Variants in CCDC138 observed in about 807,000 individuals in gnomAD.
The protein encoded by CCDC138 is coiled-coil domain-containing protein 138.
In CCDC138, 66 loss-of-function variants were observed where a neutral mutation model predicts 82.3. That is an observed-to-expected ratio of 0.80 (90% CI 0.66 to 0.98). The LOEUF is 0.98. Ranked by LOEUF, CCDC138 falls within the 50% of genes least tolerant of loss-of-function variation. CCDC138 has a pLI of 0.00. For missense variants in CCDC138, 816 were observed against 758.9 expected (o/e 1.08, Z -0.88); for synonymous variants, 297 against 265.4 (o/e 1.12, Z -1.16).
At chr2:108,821,806 G>A (rs565456183) in intron 10 of CCDC138, among the ~76,000 whole-genome samples, 42 of 151,724 alleles carry the variant, frequency 2.8e-4, no homozygotes, top group Non-Finnish European at 2.4e-4. Flanking sequence ...TTAGCCGGGC[G>A]TAGTGGTGGG....
chr2:108,883,325 A>T (rs998944965), intron 2 of CCDC138: 2 of 152,234 alleles, frequency 1.3e-5, no homozygotes, highest in Non-Finnish European at 2.9e-5. Flanking sequence ...TAAGATGAAG[A>T]TGGGACCAGT....
At chr2:108,868,598 G>A (rs1305134876) in intron 13 of CCDC138, among the ~76,000 whole-genome samples, 1 of 152,084 alleles carries the variant, frequency 6.6e-6, no homozygotes, top group African/African-American at 2.4e-5. Context: ...GTAGCTACAT[G>A]CTTGACACAC....
intron 9 of CCDC138, among the ~76,000 whole-genome samples, chr2:108,814,620 CTCTG>C (rs1293852516): frequency 6.6e-6 from 1 of 150,394 alleles, no homozygotes; most frequent in African/African-American, 2.4e-5. Context: ...TTTTATATTT[CTCTG>C]TCTTTGAATT....
intron 12 of CCDC138, among the ~76,000 whole-genome samples, chr2:108,855,015 G>A (rs1692348343): frequency 6.6e-6 from 1 of 152,100 alleles, no homozygotes; most frequent in African/African-American, 2.4e-5. Context: ...GAATAAAAAG[G>A]TTACATTTGA....
chr2:108,877,336 G>A (rs1200338825), downstream of CCDC138, among the ~76,000 whole-genome samples: 2 of 151,902 alleles, frequency 1.3e-5, no homozygotes, highest in Non-Finnish European at 2.9e-5. Flanking sequence ...GGCGGTGATG[G>A]GCACCTGTGA....
At chr2:108,840,426 T>C (rs1393506006) in intron 11 of CCDC138, among the ~76,000 whole-genome samples, 2 of 152,190 alleles carry the variant, frequency 1.3e-5, no homozygotes, top group African/African-American at 4.8e-5. Context: ...TTTAAACATT[T>C]GGTAGAATTC....
At chr2:108,833,969 A>G (rs550820070) in intron 10 of CCDC138, among the ~76,000 whole-genome samples, 1 of 127,490 alleles carries the variant, frequency 7.8e-6, no homozygotes, top group East Asian at 2.3e-4. Context: ...GATGGTCTCT[A>G]TCTCCTGATC....
chr2:108,800,137 T>A (rs1681653188), intron 6 of CCDC138, among the ~76,000 whole-genome samples: 1 of 152,194 alleles, frequency 6.6e-6, no homozygotes, highest in Non-Finnish European at 1.5e-5. Flanking sequence ...TCTTTGTATG[T>A]TCAGTGATTT....
intron 7 of CCDC138, among the ~76,000 whole-genome samples, chr2:108,807,722 A>T (rs1164514946): frequency 6.6e-6 from 1 of 152,044 alleles, no homozygotes; most frequent in Non-Finnish European, 1.5e-5. Context: ...GACTCAAGCG[A>T]TTCTCCTGCC....
chr2:108,856,215 A>G (rs10865023), intron 12 of CCDC138, among the ~76,000 whole-genome samples: 139,119 of 152,210 alleles, frequency 0.91, 63,656 homozygotes, highest in East Asian at 1. Context: ...TTGTCACAGC[A>G]CTGGCCTGGG....
In CCDC138 at chr2:108,815,981, T is replaced by A. The variant is rs1468275608; in HGVS notation, c.1082T>A (p.Phe361Tyr). Residue 361 changes from phenylalanine to tyrosine, a missense_variant, in exon 10 of 15, where the codon TTC becomes TAC. By Grantham distance (22) the Phe-to-Tyr change is conservative. Transcript: ENST00000295124. ...NGQVYELLTV[F>Y]MDWISDHHLS... ...CAAGTTTATGAACTTTTAACTGTCT[T>A]CATGGACTGGATTTCGGATCATCAT... The A allele has an allele frequency of 1.9e-6, 3 of 1,613,408 alleles. No individual in the cohort carries two copies. The African/African-American group carries it at 4.0e-5, about 22-fold the overall frequency.
chr2:108,830,058 G>GT (rs1687299792), intron 10 of CCDC138, among the ~76,000 whole-genome samples: 1 of 152,088 alleles, frequency 6.6e-6, no homozygotes, highest in African/African-American at 2.4e-5. Context: ...ACAAGATGTG[G>GT]TATATACATA....
At chr2:108,817,585 C>G (rs1377047809) in intron 10 of CCDC138, among the ~76,000 whole-genome samples, 1 of 152,194 alleles carries the variant, frequency 6.6e-6, no homozygotes, top group Non-Finnish European at 1.5e-5. Context: ...GCCACCGTGC[C>G]CAGCCATCAG....
chr2:108,837,344 T>TA (rs2150384409), intron 10 of CCDC138, among the ~76,000 whole-genome samples: 1 of 152,336 alleles, frequency 6.6e-6, no homozygotes, highest in East Asian at 1.9e-4. Flanking sequence ...CACCAGTTTT[T>TA]AAAAATGTTG....
At chr2:108,810,244 G>C (rs2149788241) in intron 7 of CCDC138, among the ~76,000 whole-genome samples, 1 of 152,292 alleles carries the variant, frequency 6.6e-6, no homozygotes, top group Non-Finnish European at 1.5e-5. Context: ...AAAATTTTCA[G>C]CTTTTCCCTG....
At chr2:108,829,937 T>A (rs1355272339) in intron 10 of CCDC138, among the ~76,000 whole-genome samples, 2 of 152,140 alleles carry the variant, frequency 1.3e-5, no homozygotes, top group African/African-American at 4.8e-5. Context: ...TTCAAAATAA[T>A]TGAAAGCAGA....
rs753956906 is a variant in CCDC138 at position 108,788,835 on chromosome 2, T to C, written c.152-17T>C. 7.6e-5 allele frequency: 123 copies of C among 1,613,832 alleles called. 1 individual carries two copies. The highest frequency in any genetic ancestry group is 2.2e-4 in the Admixed American group (13 of 59,990). ...TATTGTTGTGGTAATCTTTCATGGT[T>C]TCTTTGTCGTTGACAGGTGATTTGG... On this transcript the variant is annotated splice_polypyrimidine_tract_variant and intron_variant, in intron 2 of 14. Coordinates refer to ENST00000295124, the MANE Select transcript of CCDC138 (RefSeq NM_144978.3).
At chr2:108,831,657 C>A (rs1252107565) in intron 10 of CCDC138, among the ~76,000 whole-genome samples, 1 of 150,840 alleles carries the variant, frequency 6.6e-6, no homozygotes, top group African/African-American at 2.5e-5. Context: ...TTCCTAGGTT[C>A]TATCCCTGGA....
chr2:108,874,155 A>T (rs888449964), intron 14 of CCDC138, among the ~76,000 whole-genome samples: 18 of 152,206 alleles, frequency 1.2e-4, no homozygotes, highest in African/African-American at 4.3e-4. Context: ...GTAATACCAC[A>T]GGTGAAAATA....
Sources: gnomAD v4.1 joint callset for allele counts (sites outside exome capture counted in the v4.1 genomes callset) on GRCh38, gnomAD v4.1.1 for gene constraint, MANE v1.5 for transcripts, NCBI Gene and HGNC (gene_info 2026-07-23, HGNC 2026-07-21) for gene names.